Variants in DPP10 observed in about 807,000 individuals in gnomAD.
DPP10 encodes the protein dipeptidyl peptidase like 10.
In DPP10, 33 loss-of-function variants were observed where a neutral mutation model predicts 120.9. The observed-to-expected ratio is 0.27, with a 90% CI of 0.21 to 0.37. DPP10 has a LOEUF of 0.37. DPP10 is among the 10% of genes least tolerant of loss of function. The pLI is 1.00. For missense variants in DPP10, 816 were observed against 942.8 expected (o/e 0.87, Z 1.76); for synonymous variants, 337 against 326.1 (o/e 1.03, Z -0.36).
chr2:114,878,993 T>A (rs1437754226), intron 1 of DPP10, among the ~76,000 whole-genome samples: 1 of 152,116 alleles, frequency 6.6e-6, no homozygotes, highest in East Asian at 1.9e-4. Flanking sequence ...AGGTATGGGA[T>A]TTAAGAGAAA....
At chr2:115,203,433 T>G (rs2055886303) in intron 1 of DPP10, among the ~76,000 whole-genome samples, 1 of 152,130 alleles carries the variant, frequency 6.6e-6, no homozygotes, top group African/African-American at 2.4e-5. Flanking sequence ...CTTTTTTAAT[T>G]TTTTCTATGA....
chr2:115,108,337 A>G (rs1302249672), intron 1 of DPP10, among the ~76,000 whole-genome samples: 3 of 152,184 alleles, frequency 2.0e-5, no homozygotes, highest in Non-Finnish European at 4.4e-5. Context: ...ATATAAACCA[A>G]TATATTGGGG....
intron 5 of DPP10, among the ~76,000 whole-genome samples, chr2:115,638,554 T>C (rs181247405): frequency 1.1e-4 from 16 of 152,356 alleles, no homozygotes; most frequent in African/African-American, 3.8e-4. Context: ...CTAAAATATC[T>C]ATATTGATTT....
intron 1 of DPP10, among the ~76,000 whole-genome samples, chr2:114,665,957 T>C (rs1254541135): frequency 6.6e-6 from 1 of 152,202 alleles, no homozygotes; most frequent in Non-Finnish European, 1.5e-5. Context: ...GTCTCTAAGC[T>C]TGAATGTAAT....
chr2:114,477,324 C>T lies in DPP10; in HGVS notation c.60+34486C>T, dbSNP rs115535723. On this transcript the variant is annotated intron_variant, in intron 1 of 25. Coordinates refer to ENST00000410059, the MANE Select transcript of DPP10 (RefSeq NM_020868.6). ...TTGCAACATGTTTGTGAGATCCATA[C>T]GTACTTTTGGGTGTACTTGTGGTTT... Among the ~76,000 whole-genome samples the T allele has an allele frequency of 3.1e-3, 469 of 152,044 alleles. 2 individuals carry two copies. The highest frequency in any genetic ancestry group is 0.011 in the African/African-American group (454 of 41,460).
chr2:114,569,785 T>C (rs1294662736), intron 1 of DPP10, among the ~76,000 whole-genome samples: 2 of 151,856 alleles, frequency 1.3e-5, no homozygotes, highest in Non-Finnish European at 2.9e-5. Context: ...AGCAAAAGAG[T>C]AAGATAATTT....
chr2:115,201,035 G>A (rs2055669808), intron 1 of DPP10, among the ~76,000 whole-genome samples: 2 of 152,220 alleles, frequency 1.3e-5, no homozygotes, highest in Non-Finnish European at 2.9e-5. Context: ...TCCTACTTTG[G>A]ATCATCCTCC....
intron 1 of DPP10, among the ~76,000 whole-genome samples, chr2:114,907,963 T>A (rs889660688): frequency 7.2e-5 from 11 of 152,058 alleles, no homozygotes; most frequent in East Asian, 3.8e-4. Flanking sequence ...TCAGTTTTTT[T>A]AAATATAATT....
At chr2:114,919,819 G>A (rs1695068456) in intron 1 of DPP10, among the ~76,000 whole-genome samples, 1 of 152,104 alleles carries the variant, frequency 6.6e-6, no homozygotes, top group South Asian at 2.1e-4. Flanking sequence ...TTGAGCTGAA[G>A]GCATCTGAAG....
At chr2:114,656,217 A>C (rs1428580018) in intron 1 of DPP10, among the ~76,000 whole-genome samples, 7 of 152,156 alleles carry the variant, frequency 4.6e-5, no homozygotes, top group Non-Finnish European at 8.8e-5. Context: ...GATAGAGCTA[A>C]GATTCGGTTT....
At chr2:115,390,037 A>T (rs77812452) in intron 3 of DPP10, among the ~76,000 whole-genome samples, 3 of 152,186 alleles carry the variant, frequency 2.0e-5, no homozygotes, top group African/African-American at 7.2e-5. Flanking sequence ...AAGTAGTTCT[A>T]TATACAACAA....
chr2:115,785,704 T>A (rs1204731676), intron 17 of DPP10, among the ~76,000 whole-genome samples: 1 of 152,122 alleles, frequency 6.6e-6, no homozygotes, highest in Non-Finnish European at 1.5e-5. Context: ...TTTCTGATTG[T>A]GTTTATTTGA....
intron 11 of DPP10, among the ~76,000 whole-genome samples, chr2:115,761,046 G>A (rs781024666): frequency 8.1e-5 from 12 of 148,740 alleles, no homozygotes; most frequent in Non-Finnish European, 1.8e-4. Flanking sequence ...TCAGTGAGCC[G>A]AGATCGGGCC....
chr2:115,210,609 G>C (rs1277500582), intron 1 of DPP10, among the ~76,000 whole-genome samples: 18 of 152,124 alleles, frequency 1.2e-4, no homozygotes, highest in Non-Finnish European at 2.2e-4. Context: ...CTTCCACAAT[G>C]GTTGAACTAG....
chr2:115,343,892 C>A lies in DPP10; in HGVS notation c.251C>A (p.Pro84Gln), dbSNP rs1316432480. The change falls in exon 3 of 26, where the codon CCA becomes CAA. Residue 84 changes from proline (P) to glutamine (Q), a missense_variant. This residue lies in a region of DPP10 where 182 missense variants were observed against 207.4 expected (regional missense o/e 0.88). Coordinates refer to ENST00000410059, the MANE Select transcript of DPP10 (RefSeq NM_020868.6). Reference protein sequence around the residue: ...LFRKDFVLHDPEARWINDTDV... With the variant: ...LFRKDFVLHDQEARWINDTDV... Reference sequence around the variant, plus strand: ...AGGAAAGACTTTGTGCTTCACGATCCAGAGGCTCGGTGGATCAATGGTAAG... The same window carrying A: ...AGGAAAGACTTTGTGCTTCACGATCAAGAGGCTCGGTGGATCAATGGTAAG... 3 of 1,611,414 alleles carry A rather than the reference C, an allele frequency of 1.9e-6. No homozygotes were observed. Among genetic ancestry groups the A allele is most frequent in the Non-Finnish European group, 2.5e-6 (3 of 1,178,782 alleles).
chr2:114,881,449 G>C (rs376294807), intron 1 of DPP10, among the ~76,000 whole-genome samples: 3 of 79,070 alleles, frequency 3.8e-5, no homozygotes, highest in Non-Finnish European at 7.7e-5. Flanking sequence ...CTATCTGTCT[G>C]TCTGTCTGTC....
At chr2:115,839,573 C>T (rs930295603) in intron 24 of DPP10, among the ~76,000 whole-genome samples, 1 of 149,846 alleles carries the variant, frequency 6.7e-6, no homozygotes, top group Non-Finnish European at 1.5e-5. Flanking sequence ...ACTCAGGAGG[C>T]TGAGGCAGGA....
At chr2:115,402,931 A>ATATATATGTGTGTATATATATATG in intron 3 of DPP10, among the ~76,000 whole-genome samples, 1 of 123,042 alleles carries the variant, frequency 8.1e-6, no homozygotes, top group Non-Finnish European at 1.6e-5. Flanking sequence ...ATATATATGT[A>ATATATATGTGTGTATATATATATG]TATATATATG....
chr2:114,497,432 T>TATAGATGCATCTATATAG (rs1682772339), intron 1 of DPP10, among the ~76,000 whole-genome samples: 3 of 149,198 alleles, frequency 2.0e-5, no homozygotes, highest in African/African-American at 7.5e-5. Context: ...TCTATATATA[T>TATAGATGCATCTATATAG]ATGCATATAT....
Sources: gnomAD v4.1 joint callset for allele counts (sites outside exome capture counted in the v4.1 genomes callset) on GRCh38, gnomAD v4.1.1 for gene constraint, gnomAD v4.1.1 regional missense constraint, MANE v1.5 for transcripts, NCBI Gene and HGNC (gene_info 2026-07-23, HGNC 2026-07-21) for gene names.